The following NLGN1 variants were observed in gnomAD, a reference collection of about 807,000 sequenced individuals.
The protein encoded by NLGN1 is neuroligin-1.
In NLGN1, 12 loss-of-function variants were observed where a neutral mutation model predicts 65.5. The observed-to-expected ratio is 0.18, with a 90% CI of 0.12 to 0.30. The LOEUF is 0.30. Among genes scored for constraint, NLGN1 ranks in the 10% least tolerant of loss-of-function variants. The pLI is 1.00. For synonymous variants in NLGN1, 350 were observed against 359.5 expected (o/e 0.97, Z 0.30); for missense variants, 750 against 1,007.1 (o/e 0.74, Z 3.46).
intron 4 of NLGN1, among the ~76,000 whole-genome samples, chr3:173,850,854 A>G (rs1726795976): frequency 6.6e-6 from 1 of 151,880 alleles, no homozygotes; most frequent in Non-Finnish European, 1.5e-5. Flanking sequence ...CTCCCACCTC[A>G]GCCTCCTGCG....
At chr3:173,821,827 G>A (rs11924407) in intron 4 of NLGN1, among the ~76,000 whole-genome samples, 3,323 of 152,174 alleles carry the variant, frequency 0.022, 150 homozygotes, top group African/African-American at 0.076. Flanking sequence ...ATTTAGGAAA[G>A]TAATTAAATA....
intron 4 of NLGN1, among the ~76,000 whole-genome samples, chr3:174,211,714 C>T: frequency 6.8e-6 from 1 of 148,056 alleles, no homozygotes; most frequent in Non-Finnish European, 1.5e-5. Context: ...ACATCCCCAT[C>T]AGATTAGTTA....
intron 4 of NLGN1, among the ~76,000 whole-genome samples, chr3:174,265,771 A>ATATG (rs1470524749): frequency 5.9e-5 from 7 of 118,894 alleles, no homozygotes; most frequent in African/African-American, 2.4e-4. Context: ...GGCTATATAT[A>ATATG]TATATATATA....
chr3:174,107,877 A>G (rs1389184380), intron 4 of NLGN1, among the ~76,000 whole-genome samples: 1 of 152,112 alleles, frequency 6.6e-6, no homozygotes, highest in Non-Finnish European at 1.5e-5. Context: ...TTTTTCTAAC[A>G]TCTAAAGATG....
At chr3:174,039,099 T>C (rs551160812) in intron 4 of NLGN1, among the ~76,000 whole-genome samples, 18 of 152,214 alleles carry the variant, frequency 1.2e-4, no homozygotes, top group African/African-American at 4.1e-4. Flanking sequence ...TTGTTTCCCA[T>C]AGCGTGAGAC....
At chr3:173,884,073 A>G (rs1003137552) in intron 4 of NLGN1, among the ~76,000 whole-genome samples, 43 of 152,082 alleles carry the variant, frequency 2.8e-4, no homozygotes, top group African/African-American at 9.2e-4. Context: ...TAATCGAAAG[A>G]ATCATTAGCA....
intron 4 of NLGN1, among the ~76,000 whole-genome samples, chr3:173,875,732 A>G (rs2150895477): frequency 6.6e-6 from 1 of 152,312 alleles, no homozygotes; most frequent in African/African-American, 2.4e-5. Flanking sequence ...TAGGCTTATA[A>G]TATTAACAGG....
intron 3 of NLGN1, among the ~76,000 whole-genome samples, chr3:173,779,609 T>C (rs1350479027): frequency 6.6e-6 from 1 of 152,002 alleles, no homozygotes; most frequent in Non-Finnish European, 1.5e-5. Flanking sequence ...GTTGGAGAAA[T>C]TGGACAAGCA....
chr3:173,854,560 T>G (rs1230097445), intron 4 of NLGN1, among the ~76,000 whole-genome samples: 1 of 146,752 alleles, frequency 6.8e-6, no homozygotes, highest in Non-Finnish European at 1.5e-5. Flanking sequence ...CCTATTTAAC[T>G]TTTTTTAAAA....
chr3:173,698,691 C>G (rs1766626558), intron 3 of NLGN1, among the ~76,000 whole-genome samples: 1 of 152,114 alleles, frequency 6.6e-6, no homozygotes, highest in Non-Finnish European at 1.5e-5. Context: ...GTTGTCCATA[C>G]ATACACAAGA....
chr3:174,048,953 T>C (rs910641006), intron 4 of NLGN1, among the ~76,000 whole-genome samples: 4 of 152,026 alleles, frequency 2.6e-5, no homozygotes, highest in Non-Finnish European at 5.9e-5. Flanking sequence ...AATCAGAGCA[T>C]AAGCTAGAGT....
chr3:174,157,672 C>A (rs1725705782), intron 4 of NLGN1, among the ~76,000 whole-genome samples: 1 of 151,682 alleles, frequency 6.6e-6, no homozygotes, highest in African/African-American at 2.4e-5. Context: ...ATGCTGGGAA[C>A]TTTTACTTGC....
intron 4 of NLGN1, among the ~76,000 whole-genome samples, chr3:173,968,153 A>G (rs1280636374): frequency 6.6e-6 from 1 of 152,184 alleles, no homozygotes; most frequent in Non-Finnish European, 1.5e-5. Context: ...CCTTGAAAAC[A>G]TCGTGGGGTT....
intron 3 of NLGN1, among the ~76,000 whole-genome samples, chr3:173,781,086 CG>C (rs1781065058): frequency 6.7e-6 from 1 of 148,306 alleles, no homozygotes; most frequent in African/African-American, 2.5e-5. Flanking sequence ...TGGAGCTTGC[CG>C]TGAGCCAAGA....
intron 4 of NLGN1, among the ~76,000 whole-genome samples, chr3:173,861,515 CGTGT>C (rs145812733): frequency 0.39 from 54,354 of 141,056 alleles, 11,002 homozygotes; most frequent in Non-Finnish European, 0.47. Context: ...GTAGCTGGCA[CGTGT>C]GTGTGTGTGT....
intron 3 of NLGN1, among the ~76,000 whole-genome samples, chr3:173,629,346 G>A (rs749586964): frequency 2.6e-5 from 4 of 151,724 alleles, no homozygotes; most frequent in Non-Finnish European, 4.4e-5. Context: ...GGAAACTCGG[G>A]CTCAAACAAT....
intron 3 of NLGN1, among the ~76,000 whole-genome samples, chr3:173,645,688 A>G (rs1391579247): frequency 6.6e-6 from 1 of 152,236 alleles, no homozygotes; most frequent in Non-Finnish European, 1.5e-5. Flanking sequence ...AAACTAATTG[A>G]GCAATCTAGC....
intron 4 of NLGN1, among the ~76,000 whole-genome samples, chr3:174,172,199 C>T (rs1328933554): frequency 6.6e-6 from 1 of 151,984 alleles, no homozygotes; most frequent in African/African-American, 2.4e-5. Context: ...ATATGGGTTA[C>T]ATTAGATATT....
At chr3:173,481,056 G>C (rs2148966959) in intron 2 of NLGN1, among the ~76,000 whole-genome samples, 1 of 151,998 alleles carries the variant, frequency 6.6e-6, no homozygotes, top group South Asian at 2.1e-4. Flanking sequence ...TTAGACTAGT[G>C]GTATTCTGAT....
Sources: gnomAD v4.1 joint callset for allele counts (sites outside exome capture counted in the v4.1 genomes callset) on GRCh38, gnomAD v4.1.1 for gene constraint, MANE v1.5 for transcripts, NCBI Gene and HGNC (gene_info 2026-07-23, HGNC 2026-07-21) for gene names.